The following RABEP1 variants were observed in gnomAD, a reference collection of about 807,000 sequenced individuals.
The protein encoded by RABEP1 is rab GTPase-binding effector protein 1.
RABEP1 carries 51 observed loss-of-function variants against 123.4 expected under a neutral mutation model. That is an observed-to-expected ratio of 0.41 (90% CI 0.33 to 0.52). The LOEUF is 0.52. Ranked by LOEUF, RABEP1 falls within the 20% of genes least tolerant of loss-of-function variation. RABEP1 has a pLI of 0.16. For synonymous variants in RABEP1, 347 were observed against 355.2 expected, an observed-to-expected ratio of 0.98 and a Z score of 0.26; for missense variants, 888 against 996.3, an observed-to-expected ratio of 0.89 and a Z score of 1.46.
intron 5 of RABEP1, among the ~76,000 whole-genome samples, chr17:5,343,668 CTCTT>C (rs1239692133): frequency 2.6e-5 from 3 of 116,252 alleles, no homozygotes; most frequent in Non-Finnish European, 5.1e-5. Context: ...TCTTTCTTTT[CTCTT>C]TTTTTTTTTT....
chr17:5,377,034 G>T, intron 13 of RABEP1, 82 bp from the exon 14 acceptor site: 1 of 1,400,598 alleles, frequency 7.1e-7, no homozygotes. Flanking sequence ...CAACATCTGA[G>T]ATTCTGGTTA....
intron 2 of RABEP1, among the ~76,000 whole-genome samples, chr17:5,317,379 A>G (rs569791077): frequency 1.3e-4 from 20 of 152,318 alleles, no homozygotes; most frequent in African/African-American, 4.3e-4. Context: ...ACACTGTTAC[A>G]TGATAAAAAC....
chr17:5,382,435 C>A (rs1159178124), intron 17 of RABEP1, among the ~76,000 whole-genome samples: 1 of 151,578 alleles, frequency 6.6e-6, no homozygotes, highest in African/African-American at 2.4e-5. Context: ...TCTCCATAAT[C>A]CCAACACATT....
At position 5,384,098 on chromosome 17, in the gene RABEP1, C is replaced by T. The variant is rs186937095; in HGVS notation, c.*875C>T. ...AATAGGCTAATTTTTCAACTTGGAT[C>T]ATTAGGCTTACGTACTACTTGTTTC... On this transcript the variant is annotated 3_prime_UTR_variant, in exon 18 of 18. Coordinates refer to ENST00000537505, the MANE Select transcript of RABEP1 (RefSeq NM_004703.6). 4.7e-6 allele frequency: 1 copy of T among 214,662 alleles called. No homozygotes were observed. Among genetic ancestry groups the T allele is most frequent in the Admixed American group, 5.8e-5 (1 of 17,134 alleles). The allele number at this position is 214,662 out of a possible 1,614,324, so 13.3% of individuals were successfully genotyped here. A position where few individuals can be genotyped will look rare whatever the true frequency, so the allele number is the denominator to read the frequency against.
Position 5,361,062 on chromosome 17 carries a change from CACTT to C in RABEP1, c.1096-144_1096-141del, listed in dbSNP as rs1909479217. On this transcript the variant is annotated intron_variant, in intron 8 of 17. Coordinates refer to ENST00000537505, the MANE Select transcript of RABEP1 (RefSeq NM_004703.6). The stretch of plus-strand genomic sequence containing the variant: ...TTTTGTGTCCAGCATGTAGAAATGA[CACTT>C]AGTGTTTGTTCAATGAGTCTGTGAA... 3.9e-5 allele frequency: 28 copies of C among 720,092 alleles called. No individual in the cohort carries two copies. The Middle Eastern group carries it at 1.1e-3, about 28-fold the overall frequency. The allele number at this position is 720,092 out of a possible 1,614,324, so 44.6% of individuals were successfully genotyped here.
chr17:5,314,561 C>T (rs1048005688), intron 2 of RABEP1, among the ~76,000 whole-genome samples: 3 of 151,168 alleles, frequency 2.0e-5, no homozygotes, highest in African/African-American at 7.3e-5. Flanking sequence ...CTCTGTCACC[C>T]AGGCTGGAGT....
chr17:5,376,679 ATAAG>A (rs1302686286), intron 13 of RABEP1, among the ~76,000 whole-genome samples: 1 of 152,184 alleles, frequency 6.6e-6, no homozygotes, highest in Admixed American at 6.5e-5. Context: ...GAATGAATGA[ATAAG>A]TGAGTAAGTA....
At chr17:5,331,360 A>G (rs1394823673) in intron 2 of RABEP1, among the ~76,000 whole-genome samples, 1 of 152,174 alleles carries the variant, frequency 6.6e-6, no homozygotes, top group Non-Finnish European at 1.5e-5. Flanking sequence ...ATCCCTGTAT[A>G]CTGTTGATAA....
chr17:5,341,890 GGC>G, intron 5 of RABEP1, among the ~76,000 whole-genome samples: 1 of 152,120 alleles, frequency 6.6e-6, no homozygotes, highest in Non-Finnish European at 1.5e-5. Flanking sequence ...CTTAGTAAAG[GGC>G]TATTTATCAA....
At chr17:5,298,580 G>A (rs528929731) in intron 1 of RABEP1, among the ~76,000 whole-genome samples, 1 of 151,918 alleles carries the variant, frequency 6.6e-6, no homozygotes, top group Non-Finnish European at 1.5e-5. Flanking sequence ...ATATTAGTAT[G>A]TAGAGTCACC....
At chr17:5,294,695 TG>T (rs1376441068) in intron 1 of RABEP1, among the ~76,000 whole-genome samples, 5 of 118,112 alleles carry the variant, frequency 4.2e-5, no homozygotes, top group Non-Finnish European at 8.2e-5. Flanking sequence ...TCACCCAGGC[TG>T]GAGTGCAGTG....
intron 5 of RABEP1, among the ~76,000 whole-genome samples, chr17:5,342,326 T>C (rs988039065): frequency 2.4e-4 from 36 of 152,200 alleles, no homozygotes; most frequent in Admixed American, 2.4e-3. Flanking sequence ...CCTGAATCTG[T>C]ATTTTCCTGA....
chr17:5,375,067 G>A (rs773870113), intron 13 of RABEP1, among the ~76,000 whole-genome samples: 2 of 151,048 alleles, frequency 1.3e-5, no homozygotes, highest in South Asian at 2.1e-4. Flanking sequence ...ATGAGACACC[G>A]TGCCTGTCCT....
rs777623769 is a variant in RABEP1 at position 5,345,704 on chromosome 17, A to G, written c.649-1086A>G. ...ACTGTCAACCTTCAGTGAAGCATCA[A>G]ATGATTGCTTAAATGGTCATTTAAG... On this transcript the variant is annotated intron_variant, in intron 5 of 17. Transcript: ENST00000537505. Among the ~76,000 whole-genome samples the G allele has an allele frequency of 2.0e-4, 30 of 152,304 alleles. 1 individual carries two copies. The highest frequency in any genetic ancestry group is 1.8e-4 in the Non-Finnish European group (12 of 68,028).
chr17:5,368,591 C>A, intron 12 of RABEP1, 123 bp downstream of exon 12: 1 of 656,928 alleles, frequency 1.5e-6, no homozygotes. Flanking sequence ...TGTCTTCTCC[C>A]GGGACTGTAG....
chr17:5,342,471 C>CT (rs1425071413), intron 5 of RABEP1, among the ~76,000 whole-genome samples: 5 of 152,052 alleles, frequency 3.3e-5, no homozygotes, highest in African/African-American at 1.2e-4. Context: ...AACCCAGTCT[C>CT]TACTAAAAGT....
At position 5,282,358 on chromosome 17, in the gene RABEP1, C is replaced by A; in HGVS notation, c.-129C>A. ...GCTGTGGCGGCGCCGGCGGATCCAG[C>A]CTTAGCGGTTTCTCTCTGGGCGGCG... On this transcript the variant is annotated 5_prime_UTR_variant, in exon 1 of 18. Coordinates refer to ENST00000537505, the MANE Select transcript of RABEP1 (RefSeq NM_004703.6). 1 of 728,198 alleles carries A rather than the reference C, an allele frequency of 1.4e-6. No homozygotes were observed. The highest frequency in any genetic ancestry group is 1.9e-6 in the Non-Finnish European group (1 of 513,066). 45.1% of individuals were successfully genotyped at this position (728,198 alleles called of 1,614,324 possible).
In RABEP1 at chr17:5,381,446, G is replaced by A; in HGVS notation, c.2428G>A (p.Glu810Lys). ...EKNKAQRLQT[E>K]LDVSEQVQRD... ...GAATAAAGCTCAGAGATTACAGACA[G>A]AATTAGATGTCAGTGAGCAAGTCCA... Residue 810 changes from glutamate to lysine, a missense_variant, in exon 17 of 18, where the codon GAA (glutamate) becomes AAA (lysine). Transcript: ENST00000537505. The A allele has an allele frequency of 1.2e-6, 2 of 1,613,642 alleles. No individual in the cohort carries two copies. The highest frequency in any genetic ancestry group is 1.7e-6 in the Non-Finnish European group (2 of 1,179,728).
chr17:5,308,185 A>T (rs969443203), intron 1 of RABEP1, among the ~76,000 whole-genome samples: 1 of 151,868 alleles, frequency 6.6e-6, no homozygotes, highest in Non-Finnish European at 1.5e-5. Context: ...GTTTCACTTT[A>T]CATGACTCAT....
Sources: gnomAD v4.1 joint callset for allele counts (sites outside exome capture counted in the v4.1 genomes callset) on GRCh38, gnomAD v4.1.1 for gene constraint, MANE v1.5 for transcripts, NCBI Gene and HGNC (gene_info 2026-07-23, HGNC 2026-07-21) for gene names.